CAMSAP2: variants seen among roughly 807,000 people sequenced by gnomAD.
The protein encoded by CAMSAP2 is calmodulin regulated spectrin associated protein family member 2, also known as calmodulin-regulated spectrin-associated protein 2.
CAMSAP2 carries 26 observed loss-of-function variants against 146.1 expected under a neutral mutation model. The observed-to-expected ratio is 0.18, with a 90% CI of 0.13 to 0.25. CAMSAP2 has a LOEUF of 0.25. CAMSAP2 is among the 10% of genes least tolerant of loss of function. CAMSAP2 has a pLI of 1.00. For missense variants in CAMSAP2, 1,381 were observed against 1,759.3 expected, an observed-to-expected ratio of 0.78 and a Z score of 3.85; for synonymous variants, 499 against 596.6, an observed-to-expected ratio of 0.84 and a Z score of 2.38.
chr1:200,827,676 T>TGTATTATTTTTCTAAATA (rs1666938586), intron 4 of CAMSAP2, among the ~76,000 whole-genome samples: 1 of 151,290 alleles, frequency 6.6e-6, no homozygotes, highest in South Asian at 2.1e-4. Flanking sequence ...ATACCTTATT[T>TGTATTATTTTTCTAAATA]ATATTATTTT....
intron 1 of CAMSAP2, among the ~76,000 whole-genome samples, chr1:200,759,280 ATTTTTTT>A (rs374473632): frequency 1.6e-5 from 2 of 128,894 alleles, no homozygotes; most frequent in African/African-American, 6.0e-5. Flanking sequence ...CTGCTATTCT[ATTTTTTT>A]TTTTTTTTTG....
rs1468576091 is a variant in CAMSAP2 at position 200,852,543 on chromosome 1, T to C, written c.3468T>C (p.Asp1156=). The C allele has an allele frequency of 6.2e-7, 1 of 1,610,658 alleles. No homozygotes were observed. Among genetic ancestry groups the C allele is most frequent in the East Asian group, 2.2e-5 (1 of 44,834 alleles). The change falls in exon 12 of 17, where the codon GAT becomes GAC. Residue 1156 remains aspartate (D), a splice_region_variant and synonymous_variant. Transcript: ENST00000358823. ...QKVCCGFFFK[D]DQKAENDMAM... is the part of the protein sequence containing the mutation. Reference sequence around the variant, plus strand: ...TTTTCAATGAAATTCGTTCTTAGGATGATCAAAAAGCAGAAAATGATATGG... The same window carrying C: ...TTTTCAATGAAATTCGTTCTTAGGACGATCAAAAAGCAGAAAATGATATGG...
intron 12 of CAMSAP2, 115 bp downstream of exon 12, chr1:200,852,792 A>AT: frequency 8.7e-7 from 1 of 1,146,618 alleles, no homozygotes; most frequent in Non-Finnish European, 1.2e-6. Context: ...TTATTAACAG[A>AT]TTTCTTTCAG....
chr1:200,802,609 G>A (rs1443618453), intron 2 of CAMSAP2, among the ~76,000 whole-genome samples: 3 of 152,140 alleles, frequency 2.0e-5, no homozygotes, highest in Non-Finnish European at 4.4e-5. Context: ...TTAAATACCT[G>A]TGGGCGTACT....
intron 4 of CAMSAP2, among the ~76,000 whole-genome samples, chr1:200,816,606 AT>A (rs377188465): frequency 0.22 from 20,653 of 93,296 alleles, 2,383 homozygotes; most frequent in Non-Finnish European, 0.29. Context: ...AAAAAAAAAA[AT>A]ATATATATAT....
chr1:200,786,383 C>CTTTT (rs774638509), intron 2 of CAMSAP2, among the ~76,000 whole-genome samples: 1 of 143,386 alleles, frequency 7.0e-6, no homozygotes, highest in Non-Finnish European at 1.5e-5. Context: ...AAATTGCTTT[C>CTTTT]TTTTTTTTTT....
intron 6 of CAMSAP2, among the ~76,000 whole-genome samples, chr1:200,833,785 TATATG>T (rs1250739409): frequency 1.3e-5 from 2 of 152,186 alleles, no homozygotes; most frequent in Non-Finnish European, 2.9e-5. Context: ...TATGCATAAA[TATATG>T]ATATGTATAG....
At chr1:200,805,482 A>T (rs1248727470) in intron 2 of CAMSAP2, among the ~76,000 whole-genome samples, 2 of 152,248 alleles carry the variant, frequency 1.3e-5, no homozygotes, top group Admixed American at 1.3e-4. Flanking sequence ...GTGACTGTGC[A>T]CATGTCAGAG....
intron 2 of CAMSAP2, among the ~76,000 whole-genome samples, chr1:200,789,195 A>T (rs1665678926): frequency 6.6e-6 from 1 of 152,102 alleles, no homozygotes. Context: ...AATAAAGTCC[A>T]GCTTATCAAT....
rs1419496300 is a variant in CAMSAP2, at chr1:200,854,867, C to T, written c.3874C>T (p.His1292Tyr). ...GAACACGGGTGATAACGAGAGTGTACATTCAGGCAAGAGGACGCCAAGGTA... is the reference window on the plus strand; with the variant it reads ...GAACACGGGTGATAACGAGAGTGTATATTCAGGCAAGAGGACGCCAAGGTA... ...SLNTGDNESV[H>Y]SGKRTPRSES... The change falls in exon 14 of 17, where the codon CAT becomes TAT. Residue 1292 changes from histidine to tyrosine, a missense_variant. This residue lies in a region of CAMSAP2 where 560 missense variants were observed against 715.9 expected (regional missense o/e 0.78). Coordinates refer to ENST00000358823, the MANE Select transcript of CAMSAP2 (RefSeq NM_203459.4). 6.2e-7 allele frequency: 1 copy of T among 1,611,082 alleles called. No individual in the cohort carries two copies. The highest frequency in any genetic ancestry group is 2.2e-5 in the East Asian group (1 of 44,786).
chr1:200,787,812 C>T (rs1178301315), intron 2 of CAMSAP2, among the ~76,000 whole-genome samples: 1 of 152,154 alleles, frequency 6.6e-6, no homozygotes. Flanking sequence ...CAGCCATCCC[C>T]TCCTTCAGCA....
intron 1 of CAMSAP2, among the ~76,000 whole-genome samples, chr1:200,752,334 T>G (rs2102992887): frequency 6.6e-6 from 1 of 152,304 alleles, no homozygotes; most frequent in South Asian, 2.1e-4. Context: ...GCTTAATGTA[T>G]CTATACTGTA....
At position 200,860,136 on chromosome 1, in the gene CAMSAP2, T is replaced by C. The variant is rs1420984674; in HGVS notation, c.*2077T>C. 1 of 152,758 alleles carries C rather than the reference T, an allele frequency of 6.5e-6. No individual in the cohort carries two copies. The highest frequency in any genetic ancestry group is 2.4e-5 in the African/African-American group (1 of 41,460). 9.5% of individuals were successfully genotyped at this position (152,758 alleles called of 1,614,324 possible). On this transcript the variant is annotated 3_prime_UTR_variant, in exon 17 of 17. Transcript: ENST00000358823. Reference sequence around the variant, plus strand: ...ATGTGAATATTGCCACAGAGTTCATTGCTCTCAGTATAAGATTTTACTTTA... The same window carrying C: ...ATGTGAATATTGCCACAGAGTTCATCGCTCTCAGTATAAGATTTTACTTTA...
At chr1:200,836,499 G>A (rs1255118628) in intron 6 of CAMSAP2, among the ~76,000 whole-genome samples, 1 of 152,130 alleles carries the variant, frequency 6.6e-6, no homozygotes, top group African/African-American at 2.4e-5. Flanking sequence ...GCGTCAATGG[G>A]CATTTAGGAT....
chr1:200,855,602 A>AT (rs200995332), intron 14 of CAMSAP2, among the ~76,000 whole-genome samples: 46 of 148,014 alleles, frequency 3.1e-4, no homozygotes, highest in African/African-American at 3.7e-4. Flanking sequence ...TTTATTATTA[A>AT]TTTTTTTTTT....
In CAMSAP2 at chr1:200,858,726, G is replaced by A. The variant is rs1397703646; in HGVS notation, c.*667G>A. On this transcript the variant is annotated 3_prime_UTR_variant, in exon 17 of 17. Transcript: ENST00000358823. Reference sequence around the variant, plus strand: ...TCTCTATTAAATAAGAGGAGGTGTTGTAAAGAGCTGCTAGTAGGTTCGCTT... The same window carrying A: ...TCTCTATTAAATAAGAGGAGGTGTTATAAAGAGCTGCTAGTAGGTTCGCTT... 1 of 152,650 alleles carries A rather than the reference G, an allele frequency of 6.6e-6. No homozygotes were observed. Among genetic ancestry groups the A allele is most frequent in the African/African-American group, 2.4e-5 (1 of 41,456 alleles). 9.5% of individuals were successfully genotyped at this position (152,650 alleles called of 1,614,324 possible).
Position 200,814,780 on chromosome 1 carries a change from A to T in CAMSAP2, c.562-781A>T, listed in dbSNP as rs1185027981. On this transcript the variant is annotated intron_variant, in intron 3 of 16. Coordinates refer to ENST00000358823, the MANE Select transcript of CAMSAP2 (RefSeq NM_203459.4). ...TTTAAAGGAAGAAAAGGGAATTCTT[A>T]GGTGCCAGAAACAAAGTGGGGACTG... 2.6e-5 allele frequency among the ~76,000 whole-genome samples: 4 copies of T among 152,138 alleles called. No homozygotes were observed. The East Asian group carries it at 7.7e-4, about 29-fold the overall frequency.
chr1:200,852,460 A>C, intron 11 of CAMSAP2, 81 bp from the exon 12 acceptor site: 1 of 1,507,828 alleles, frequency 6.6e-7, no homozygotes, highest in South Asian at 1.3e-5. Flanking sequence ...AGGACTAACC[A>C]CAAAATGTGA....
intron 2 of CAMSAP2, among the ~76,000 whole-genome samples, chr1:200,778,452 G>A (rs542419123): frequency 1.0e-3 from 157 of 152,210 alleles, no homozygotes; most frequent in African/African-American, 3.7e-3. Flanking sequence ...TGATTAGATG[G>A]TTTGTTTTCT....
Sources: gnomAD v4.1 joint callset for allele counts (sites outside exome capture counted in the v4.1 genomes callset) on GRCh38, gnomAD v4.1.1 for gene constraint, gnomAD v4.1.1 regional missense constraint, MANE v1.5 for transcripts, NCBI Gene and HGNC (gene_info 2026-07-23, HGNC 2026-07-21) for gene names.